GPATCH8: variants seen among roughly 807,000 people sequenced by gnomAD.
GPATCH8 encodes the protein G patch domain-containing protein 8.
A neutral mutation model predicts 118.3 loss-of-function variants in GPATCH8; 18 were observed. The observed-to-expected ratio is 0.15, with a 90% CI of 0.11 to 0.23. The LOEUF (loss-of-function observed/expected upper bound fraction) is 0.23. Ranked by LOEUF, GPATCH8 falls within the 10% of genes least tolerant of loss-of-function variation. The probability of loss-of-function intolerance (pLI) is 1.00; values close to 1 mark genes in which losing one functional copy is unlikely to be tolerated. For missense variants in GPATCH8, 1,631 were observed against 1,873.8 expected (o/e 0.87, Z 2.39); for synonymous variants, 659 against 684.7 (o/e 0.96, Z 0.59).
rs370200191 is a variant in GPATCH8 at position 44,502,988 on chromosome 17, T to C, written c.45+338A>G. On this transcript the variant is annotated intron_variant, in intron 1 of 7. Transcript: ENST00000591680. The stretch of plus-strand genomic sequence containing the variant: ...CTCAGCCCAACCCAACCACCCCTCT[T>C]GTCCCCTGGGAGCCAGCCCTTCGCC... Among the ~76,000 whole-genome samples, 23 of 152,294 alleles carry C rather than the reference T, an allele frequency of 1.5e-4. No homozygotes were observed. In the South Asian group the frequency reaches 3.9e-3, roughly 26 times the overall value.
In GPATCH8 at chr17:44,396,375, T is replaced by G. The variant is rs1402759238; in HGVS notation, c.*1193A>C. ...GGAGACTGTTAAAGATGAGCATCCC[T>G]CAGAAGCCCCCAGCTGACTGCTGCC... On this transcript the variant is annotated 3_prime_UTR_variant, in exon 8 of 8. Coordinates refer to ENST00000591680, the MANE Select transcript of GPATCH8 (RefSeq NM_001002909.4). 2 of 454,464 alleles carry G rather than the reference T, an allele frequency of 4.4e-6. No individual in the cohort carries two copies. The highest frequency in any genetic ancestry group is 4.7e-5 in the Admixed American group (2 of 42,568). 28.2% of individuals were successfully genotyped at this position (454,464 alleles called of 1,614,324 possible). A position where few individuals can be genotyped will look rare whatever the true frequency, so the allele number is the denominator to read the frequency against.
chr17:44,478,321 C>A (rs57028091), intron 1 of GPATCH8, among the ~76,000 whole-genome samples: 1,860 of 152,188 alleles, frequency 0.012, 33 homozygotes, highest in African/African-American at 0.037. Flanking sequence ...AGCTGAATAT[C>A]GATTCTTTCA....
chr17:44,432,295 G>A (rs16970731), intron 5 of GPATCH8, among the ~76,000 whole-genome samples: 5,601 of 152,178 alleles, frequency 0.037, 343 homozygotes, highest in African/African-American at 0.13. Context: ...GTTTGATGTA[G>A]GATAGTATAC....
intron 3 of GPATCH8, among the ~76,000 whole-genome samples, chr17:44,452,892 T>G (rs2051169744): frequency 6.6e-6 from 1 of 151,958 alleles, no homozygotes; most frequent in Admixed American, 6.6e-5. Flanking sequence ...TGGCATGATC[T>G]CAGCTCACTG....
chr17:44,407,990 T>C (rs1381375474), intron 6 of GPATCH8, among the ~76,000 whole-genome samples: 1 of 152,062 alleles, frequency 6.6e-6, no homozygotes, highest in Non-Finnish European at 1.5e-5. Context: ...CACTTCAAGA[T>C]GAAGGATCAA....
chr17:44,449,870 T>A (rs1424353112), intron 3 of GPATCH8, among the ~76,000 whole-genome samples: 1 of 152,148 alleles, frequency 6.6e-6, no homozygotes, highest in African/African-American at 2.4e-5. Flanking sequence ...ATAAGACTAA[T>A]AATGGAAAAA....
At chr17:44,502,230 G>A (rs546245379) in intron 1 of GPATCH8, among the ~76,000 whole-genome samples, 1 of 152,246 alleles carries the variant, frequency 6.6e-6, no homozygotes, top group East Asian at 1.9e-4. Context: ...TCTTTAAACT[G>A]CCTTCTGAAA....
chr17:44,483,206 T>C (rs1364021990), intron 1 of GPATCH8, among the ~76,000 whole-genome samples: 8 of 77,486 alleles, frequency 1.0e-4, no homozygotes, highest in African/African-American at 3.5e-4. Flanking sequence ...TATATATATA[T>C]ATATATATAT....
In GPATCH8 at chr17:44,399,429, T is replaced by C; in HGVS notation, c.2648A>G (p.Tyr883Cys). The C allele has an allele frequency of 6.2e-7, 1 of 1,613,996 alleles. No homozygotes were observed. The highest frequency in any genetic ancestry group is 1.1e-5 in the South Asian group (1 of 91,084). ...ATCAGAGTAACTGCGCTGTCTACTA[T>C]AGCAGCTCTGGTCTGAAGAGGCATC... ...SSDASSDQSC[Y>C]SRQRSYSDDS... Residue 883 changes from tyrosine (Y) to cysteine (C), a missense_variant, in exon 8 of 8, where the codon TAT becomes TGT. Tyr to Cys is a radical substitution (Grantham distance 194). Transcript: ENST00000591680.
chr17:44,498,277 T>C (rs947372271), intron 1 of GPATCH8, among the ~76,000 whole-genome samples: 3 of 152,206 alleles, frequency 2.0e-5, no homozygotes, highest in African/African-American at 7.2e-5. Context: ...GAAATAATAC[T>C]CGGCATAATA....
chr17:44,467,671 A>G (rs915348635), intron 2 of GPATCH8, among the ~76,000 whole-genome samples: 1 of 152,216 alleles, frequency 6.6e-6, no homozygotes, highest in Admixed American at 6.5e-5. Flanking sequence ...TATCATTTCA[A>G]ACTACCTGCT....
chr17:44,398,410 G>A lies in GPATCH8; in HGVS notation c.3667C>T (p.Pro1223Ser). 2 of 1,613,982 alleles carry A rather than the reference G, an allele frequency of 1.2e-6. No homozygotes were observed. Among genetic ancestry groups the A allele is most frequent in the Admixed American group, 1.7e-5 (1 of 60,022 alleles). Residue 1223 changes from proline to serine, a missense_variant, in exon 8 of 8, where the codon CCA (proline) becomes TCA (serine). By Grantham distance (74) the Pro-to-Ser change is moderately conservative. Around this residue, in one of 8 missense-constraint regions of GPATCH8, gnomAD observed 922 missense variants for 879.7 expected, o/e 1.05. Transcript: ENST00000591680. Reference protein sequence around the residue: ...GEATADHPVAPLGTPAHSDCY... With the variant: ...GEATADHPVASLGTPAHSDCY... ...TCAGAATGTGCTGGGGTGCCTAGTGGAGCCACAGGGTGATCAGCAGTAGCT... is the reference window on the plus strand; with the variant it reads ...TCAGAATGTGCTGGGGTGCCTAGTGAAGCCACAGGGTGATCAGCAGTAGCT...
chr17:44,469,885 A>G (rs1398526852), intron 2 of GPATCH8, among the ~76,000 whole-genome samples: 4 of 152,230 alleles, frequency 2.6e-5, no homozygotes, highest in African/African-American at 9.6e-5. Context: ...AGTCTTATAA[A>G]GAATTACAGT....
At chr17:44,472,966 T>A in intron 2 of GPATCH8, among the ~76,000 whole-genome samples, 1 of 151,942 alleles carries the variant, frequency 6.6e-6, no homozygotes. Context: ...AGTGCTGGGA[T>A]TACAGGCTTG....
chr17:44,479,982 T>G (rs1299788756), intron 1 of GPATCH8, among the ~76,000 whole-genome samples: 1 of 149,346 alleles, frequency 6.7e-6, no homozygotes, highest in Non-Finnish European at 1.5e-5. Context: ...AAAAAAAAAT[T>G]GATAGGCTGG....
intron 1 of GPATCH8, chr17:44,486,164 C>G (rs1256056745): frequency 2.0e-5 from 3 of 152,194 alleles, no homozygotes; most frequent in Non-Finnish European, 4.4e-5. Context: ...TCATACAAGA[C>G]AGTTTTTATT....
chr17:44,441,127 C>T (rs1026170343), intron 3 of GPATCH8, among the ~76,000 whole-genome samples: 1 of 152,080 alleles, frequency 6.6e-6, no homozygotes, highest in Non-Finnish European at 1.5e-5. Flanking sequence ...GGATTACAGG[C>T]GTGAGCCACT....
chr17:44,489,482 A>T (rs945107411), intron 1 of GPATCH8, among the ~76,000 whole-genome samples: 1 of 151,890 alleles, frequency 6.6e-6, no homozygotes, highest in Admixed American at 6.6e-5. Flanking sequence ...TTGGGATTAC[A>T]GGCACCCGCC....
chr17:44,479,153 T>G (rs1025555449), intron 1 of GPATCH8, among the ~76,000 whole-genome samples: 14 of 152,012 alleles, frequency 9.2e-5, no homozygotes, highest in African/African-American at 3.1e-4. Flanking sequence ...AAAAAGAAAA[T>G]GGGCACCTTC....
Sources: allele counts gnomAD v4.1 joint callset (sites outside exome capture counted in the v4.1 genomes callset), GRCh38; gene constraint gnomAD v4.1.1; regional missense constraint gnomAD v4.1.1; transcripts MANE v1.5; gene names NCBI Gene and HGNC (gene_info 2026-07-23, HGNC 2026-07-21).